The following TRPC5 variants were observed in gnomAD, a reference collection of about 807,000 sequenced individuals.
The protein encoded by TRPC5 is short transient receptor potential channel 5.
In TRPC5, 9 loss-of-function variants were observed where a neutral mutation model predicts 56.5. The observed-to-expected ratio is 0.16, with a 90% confidence interval of 0.10 to 0.28. The LOEUF is 0.28. Among genes scored for constraint, TRPC5 ranks in the 10% least tolerant of loss-of-function variants. TRPC5 has a pLI of 1.00. For synonymous variants in TRPC5, 282 were observed against 278.5 expected, an observed-to-expected ratio of 1.01 and a Z score of -0.13; for missense variants, 469 against 748.9, an observed-to-expected ratio of 0.63 and a Z score of 4.36.
chrX:112,023,242 T>G (rs1206394703), intron 1 of TRPC5, among the ~76,000 whole-genome samples: 1 of 97,491 alleles, frequency 1.0e-5, no homozygotes, highest in African/African-American at 4.3e-5. Context: ...CAGTTTTTTT[T>G]TTTGTTTTTT....
chrX:111,896,686 C>G (rs1421214601), intron 3 of TRPC5, among the ~76,000 whole-genome samples: 1 of 111,682 alleles, frequency 9.0e-6, no homozygotes, highest in Admixed American at 9.6e-5. Context: ...CAGTTCTATT[C>G]CTGCTTAGGA....
intron 3 of TRPC5, chrX:111,901,621 A>G (rs781533408): frequency 1.7e-5 from 5 of 296,850 alleles, no homozygotes; most frequent in Non-Finnish European, 2.9e-5. Flanking sequence ...TACAAACAAG[A>G]GTACCATACA....
chrX:111,833,343 G>A (rs765612988), intron 7 of TRPC5, among the ~76,000 whole-genome samples: 1 of 110,927 alleles, frequency 9.0e-6, no homozygotes, highest in African/African-American at 3.3e-5. Context: ...ATGACATTGA[G>A]GCTCAAGAGG....
At position 111,768,571 on chromosome X, in the gene TRPC5, A is replaced by G. The variant is rs2148543700; in HGVS notation, c.*7742T>C. On this transcript the variant is annotated 3_prime_UTR_variant, in exon 11 of 11. Coordinates refer to ENST00000262839, the MANE Select transcript of TRPC5 (RefSeq NM_012471.3). ...CAAACTAAAATGTATTTGCTTGAGA[A>G]GGATGTGTTTATCCTTATCTGAAGT... 8.9e-6 allele frequency among the ~76,000 whole-genome samples: 1 copy of G among 112,284 alleles called. No individual in the cohort carries two copies. The highest frequency in any genetic ancestry group is 2.8e-4 in the East Asian group (1 of 3,590).
At chrX:112,065,503 C>A (rs1156493862) in intron 1 of TRPC5, among the ~76,000 whole-genome samples, 1 of 111,855 alleles carries the variant, frequency 8.9e-6, no homozygotes, top group Non-Finnish European at 1.9e-5. Context: ...GTTTTCTGGT[C>A]TCCTTGGCTT....
In TRPC5 at chrX:111,914,659, A is replaced by T. The variant is rs1298156397; in HGVS notation, c.379-1847T>A. ...GAGCAGCGAGTAAACACTGTTAAAC[A>T]TTTAGAGGGAGCAGCTACAAACAAG... On this transcript the variant is annotated intron_variant, in intron 2 of 10. Coordinates refer to ENST00000262839, the MANE Select transcript of TRPC5 (RefSeq NM_012471.3). Among the ~76,000 whole-genome samples the T allele has an allele frequency of 2.7e-5, 3 of 112,450 alleles. No individual in the cohort carries two copies. In the East Asian group the frequency reaches 8.4e-4, roughly 31 times the overall value.
Position 111,923,760 on chromosome X carries a change from T to C in TRPC5, c.379-10948A>G, listed in dbSNP as rs778694557. 1.5e-3 allele frequency among the ~76,000 whole-genome samples: 167 copies of C among 111,644 alleles called. 2 individuals carry two copies. The highest frequency in any genetic ancestry group is 1.6e-3 in the Non-Finnish European group (83 of 53,082). The stretch of plus-strand genomic sequence containing the variant: ...CCAGGAAATTGTGAAAATGATGTGA[T>C]GAATCAAAAAATGAGTCAATCAGCA... On this transcript the variant is annotated intron_variant, in intron 2 of 10. Transcript: ENST00000262839.
At chrX:111,934,628 C>G (rs1328195278) in intron 2 of TRPC5, among the ~76,000 whole-genome samples, 2 of 111,523 alleles carry the variant, frequency 1.8e-5, no homozygotes, top group Non-Finnish European at 3.8e-5. Context: ...TACTATCCTT[C>G]CCAGCCTCTG....
intron 1 of TRPC5, among the ~76,000 whole-genome samples, chrX:111,991,389 A>T (rs1227699204): frequency 8.9e-6 from 1 of 112,090 alleles, no homozygotes; most frequent in African/African-American, 3.2e-5. Context: ...ATCTCTCATC[A>T]TTTAGATAAT....
intron 1 of TRPC5, among the ~76,000 whole-genome samples, chrX:112,006,652 G>T (rs1370759276): frequency 1.8e-5 from 2 of 111,761 alleles, no homozygotes; most frequent in African/African-American, 6.5e-5. Flanking sequence ...GGAATGAGTA[G>T]AATTTATATG....
At chrX:111,990,420 A>AAAT (rs1392213058) in intron 1 of TRPC5, among the ~76,000 whole-genome samples, 1 of 111,016 alleles carries the variant, frequency 9.0e-6, no homozygotes, top group African/African-American at 3.3e-5. Context: ...TCCATCTCAA[A>AAAT]AATAATAATA....
intron 1 of TRPC5, among the ~76,000 whole-genome samples, chrX:112,042,651 G>A (rs1929923296): frequency 9.0e-6 from 1 of 110,955 alleles, no homozygotes; most frequent in Non-Finnish European, 1.9e-5. Flanking sequence ...CCCAACACCT[G>A]GCTTTTCTTC....
At position 111,787,582 on chromosome X, in the gene TRPC5, CAAAAAAAAAA is replaced by C. The variant is rs371397409; in HGVS notation, c.1897-5454_1897-5445del. Among the ~76,000 whole-genome samples the C allele has an allele frequency of 4.0e-4, 26 of 64,625 alleles. No individual in the cohort carries two copies. In the East Asian group the frequency reaches 0.014, roughly 35 times the overall value. The allele number at this position is 64,625 out of a possible 115,157, so 56.1% of individuals were successfully genotyped here. ...AGAGCACAACTGAAAGTGATAGAGA[CAAAAAAAAAA>C]AAAACCCTTCAAAAACCCAATGAAT... On this transcript the variant is annotated intron_variant, in intron 7 of 10. Transcript: ENST00000262839.
chrX:112,040,180 A>G (rs1276536567), intron 1 of TRPC5, among the ~76,000 whole-genome samples: 2 of 112,033 alleles, frequency 1.8e-5, no homozygotes, highest in Admixed American at 1.9e-4. Context: ...TGTGGGGGAA[A>G]GTCTTAAAAA....
intron 1 of TRPC5, among the ~76,000 whole-genome samples, chrX:111,962,871 G>C (rs1204511705): frequency 1.8e-5 from 2 of 112,059 alleles, no homozygotes; most frequent in African/African-American, 6.5e-5. Flanking sequence ...AATAGGAACA[G>C]CTCCAGTCTA....
At chrX:112,037,132 T>C (rs1190311274) in intron 1 of TRPC5, among the ~76,000 whole-genome samples, 1 of 112,247 alleles carries the variant, frequency 8.9e-6, no homozygotes, top group Non-Finnish European at 1.9e-5. Context: ...TCTTTCTCTA[T>C]CAATTGTAAA....
chrX:111,981,203 T>A (rs887064086), intron 1 of TRPC5, among the ~76,000 whole-genome samples: 2 of 109,984 alleles, frequency 1.8e-5, no homozygotes, highest in Non-Finnish European at 3.8e-5. Context: ...ATGATGCATG[T>A]TCCAGTTCAA....
intron 7 of TRPC5, among the ~76,000 whole-genome samples, chrX:111,806,182 TAA>T (rs1172488544): frequency 1.2e-4 from 13 of 112,205 alleles, no homozygotes; most frequent in African/African-American, 4.2e-4. Flanking sequence ...AAGTATTTGA[TAA>T]GTCTTAGTAA....
intron 1 of TRPC5, among the ~76,000 whole-genome samples, chrX:111,954,945 G>A (rs949311754): frequency 1.2e-4 from 14 of 112,081 alleles, no homozygotes; most frequent in Middle Eastern, 4.6e-3. Flanking sequence ...CAGGCATGGT[G>A]CCAGGTACTG....
Sources: gnomAD v4.1 joint callset for allele counts (sites outside exome capture counted in the v4.1 genomes callset) on GRCh38, gnomAD v4.1.1 for gene constraint, MANE v1.5 for transcripts, NCBI Gene and HGNC (gene_info 2026-07-23, HGNC 2026-07-21) for gene names.